The following MLYCD variants were observed in gnomAD, a reference collection of about 807,000 sequenced individuals.
MLYCD encodes malonyl-CoA decarboxylase, mitochondrial.
Under a neutral mutation model 35.8 loss-of-function variants are expected in MLYCD, and 27 were observed. The observed-to-expected ratio is 0.75, with a 90% CI of 0.56 to 1.04. MLYCD has a LOEUF of 1.04. MLYCD is among the 50% of genes least tolerant of loss of function. The pLI is 0.00. For missense variants in MLYCD, 917 were observed against 665.1 expected (o/e 1.38, Z -4.17); for synonymous variants, 403 against 302.4 (o/e 1.33, Z -3.45).
At position 83,918,194 on chromosome 16, in the gene MLYCD, C is replaced by G. The variant is rs925437556; in HGVS notation, c.*2705C>G. ...TTTATTTATCACTCAGGCAGAGTTTCTTAACCTTTTGTGAGTTACAGATCA... is the reference window on the plus strand; with the variant it reads ...TTTATTTATCACTCAGGCAGAGTTTGTTAACCTTTTGTGAGTTACAGATCA... On this transcript the variant is annotated 3_prime_UTR_variant, in exon 5 of 5. Coordinates refer to ENST00000262430, the MANE Select transcript of MLYCD (RefSeq NM_012213.3). 6.6e-6 allele frequency: 1 copy of G among 152,280 alleles called. No homozygotes were observed. Among genetic ancestry groups the G allele is most frequent in the African/African-American group, 2.4e-5 (1 of 41,478 alleles). 9.4% of individuals were successfully genotyped at this position (152,280 alleles called of 1,614,324 possible).
rs1434767861 is a variant in MLYCD at position 83,916,853 on chromosome 16, C to G, written c.*1364C>G. On this transcript the variant is annotated 3_prime_UTR_variant, in exon 5 of 5. Coordinates refer to ENST00000262430, the MANE Select transcript of MLYCD (RefSeq NM_012213.3). ...AGCGTCTCTGTGTGTCAGTGCACGT[C>G]TGTGTGCGTGTGCCCGAGCGTCTCT... is the stretch of plus-strand genomic sequence containing the variant. The G allele has an allele frequency of 7.7e-6, 1 of 129,438 alleles. No homozygotes were observed. Among genetic ancestry groups the G allele is most frequent in the African/African-American group, 3.0e-5 (1 of 33,484 alleles). The allele number at this position is 129,438 out of a possible 1,614,324, so 8.0% of individuals were successfully genotyped here.
At chr16:83,911,825 G>A (rs1335628387) in intron 3 of MLYCD, 1 of 273,312 alleles carries the variant, frequency 3.7e-6, no homozygotes, top group Non-Finnish European at 7.1e-6. Flanking sequence ...TCCTTTAGGA[G>A]AAGCTGAAGG....
rs1041549125 is a variant in MLYCD at position 83,917,301 on chromosome 16, G to C, written c.*1812G>C. The C allele has an allele frequency of 6.5e-6, 1 of 152,832 alleles. No individual in the cohort carries two copies. Among genetic ancestry groups the C allele is most frequent in the African/African-American group, 2.5e-5 (1 of 40,808 alleles). The allele number at this position is 152,832 out of a possible 1,614,324, so 9.5% of individuals were successfully genotyped here. ...TGCACGTCTGTGTGCGTGTGCACAA[G>C]CATCTGTGTGTGTCAGTGCACGTCT... On this transcript the variant is annotated 3_prime_UTR_variant, in exon 5 of 5. Coordinates refer to ENST00000262430, the MANE Select transcript of MLYCD (RefSeq NM_012213.3).
chr16:83,900,711 A>G (rs1906755658), intron 1 of MLYCD, among the ~76,000 whole-genome samples: 1 of 143,930 alleles, frequency 6.9e-6, no homozygotes, highest in Non-Finnish European at 1.5e-5. Context: ...GAAGTTTGTT[A>G]TGTGCAGTTG....
chr16:83,917,381 G>A lies in MLYCD; in HGVS notation c.*1892G>A, dbSNP rs140320401. 58 of 154,680 alleles carry A rather than the reference G, an allele frequency of 3.7e-4. No homozygotes were observed. Among genetic ancestry groups the A allele is most frequent in the South Asian group, 1.2e-3 (6 of 4,932 alleles). The allele number at this position is 154,680 out of a possible 1,614,324, so 9.6% of individuals were successfully genotyped here. On this transcript the variant is annotated 3_prime_UTR_variant, in exon 5 of 5. Coordinates refer to ENST00000262430, the MANE Select transcript of MLYCD (RefSeq NM_012213.3). ...AGTGCACGTCTGTGCATGTGCACAC[G>A]TGCATGTGCATGTGCTTACACGTCT...
In MLYCD at chr16:83,915,882, A is replaced by G; in HGVS notation, c.*393A>G. ...AAGGACCGGGGCGCGTGGCCCAGAT[A>G]AGAATAGGTGTTCCTTTGTGCTCAT... On this transcript the variant is annotated 3_prime_UTR_variant, in exon 5 of 5. Coordinates refer to ENST00000262430, the MANE Select transcript of MLYCD (RefSeq NM_012213.3). The G allele has an allele frequency of 8.6e-7, 1 of 1,161,528 alleles. No homozygotes were observed. The highest frequency in any genetic ancestry group is 2.0e-5 in the South Asian group (1 of 50,594). 72.0% of individuals were successfully genotyped at this position (1,161,528 alleles called of 1,614,324 possible).
chr16:83,920,035 A>C lies in MLYCD; in HGVS notation c.*4546A>C, dbSNP rs1466041750. On this transcript the variant is annotated 3_prime_UTR_variant, in exon 5 of 5. Transcript: ENST00000262430. ...GTGCACAGGAGAACACAGTACACAC[A>C]CAGCGCACTGGAGAACACGCACAGT... 1 of 152,296 alleles carries C rather than the reference A, an allele frequency of 6.6e-6. No homozygotes were observed. Among genetic ancestry groups the C allele is most frequent in the Non-Finnish European group, 1.5e-5 (1 of 68,358 alleles). 9.4% of individuals were successfully genotyped at this position (152,296 alleles called of 1,614,324 possible). A position where few individuals can be genotyped will look rare whatever the true frequency, so the allele number is the denominator to read the frequency against.
At position 83,924,470 on chromosome 16, in the gene MLYCD, C is replaced by T. The variant is rs1289767270; in HGVS notation, c.*8981C>T. On this transcript the variant is annotated 3_prime_UTR_variant, in exon 5 of 5. Coordinates refer to ENST00000262430, the MANE Select transcript of MLYCD (RefSeq NM_012213.3). ...GTGCGTCTGTGACAGAGGCTTGAACCCCCGGCTTGTTCTCTCACGTCTGTT... is the reference window on the plus strand; with the variant it reads ...GTGCGTCTGTGACAGAGGCTTGAACTCCCGGCTTGTTCTCTCACGTCTGTT... 1 of 152,162 alleles carries T rather than the reference C, an allele frequency of 6.6e-6. No individual in the cohort carries two copies. The highest frequency in any genetic ancestry group is 2.4e-5 in the African/African-American group (1 of 41,420). 9.4% of individuals were successfully genotyped at this position (152,162 alleles called of 1,614,324 possible).
Position 83,909,234 on chromosome 16 carries a change from A to G in MLYCD, c.798+952A>G, listed in dbSNP as rs568801618. ...CTTCTGGCCTAACAATTCCACTCCT[A>G]GGAACTTCTCCTGGGGAGATGCTCA... On this transcript the variant is annotated intron_variant, in intron 3 of 4. Coordinates refer to ENST00000262430, the MANE Select transcript of MLYCD (RefSeq NM_012213.3). Among the ~76,000 whole-genome samples, 10 of 151,470 alleles carry G rather than the reference A, an allele frequency of 6.6e-5. No individual in the cohort carries two copies. In the South Asian group the frequency reaches 2.1e-3, roughly 31 times the overall value.
chr16:83,911,214 G>A (rs900436164), intron 3 of MLYCD, among the ~76,000 whole-genome samples: 1 of 151,992 alleles, frequency 6.6e-6, no homozygotes, highest in Non-Finnish European at 1.5e-5. Context: ...TCCTGACCTC[G>A]TGATCTGCCC....
chr16:83,902,382 A>C (rs1205896719), intron 1 of MLYCD, among the ~76,000 whole-genome samples: 3 of 151,644 alleles, frequency 2.0e-5, no homozygotes, highest in Non-Finnish European at 4.4e-5. Context: ...CCTGTCGCTT[A>C]AATCAGTCTT....
chr16:83,914,840 T>A, intron 4 of MLYCD, 116 bp from the exon 5 acceptor site: 2 of 1,428,088 alleles, frequency 1.4e-6, no homozygotes, highest in South Asian at 2.3e-5. Context: ...GATGTCACTC[T>A]GACCGCTACA....
chr16:83,914,662 C>A, intron 4 of MLYCD: 1 of 443,934 alleles, frequency 2.3e-6, no homozygotes, highest in South Asian at 2.1e-5. Context: ...GCCTGTGGTC[C>A]CAGCTACTCA....
At chr16:83,900,379 A>G (rs13335591) in intron 1 of MLYCD, among the ~76,000 whole-genome samples, 5,860 of 152,232 alleles carry the variant, frequency 0.038, 323 homozygotes, top group African/African-American at 0.12. Context: ...AGAGCAACAT[A>G]TACTCTTCTT....
chr16:83,903,352 A>G (rs1302353610), intron 1 of MLYCD, among the ~76,000 whole-genome samples: 1 of 152,136 alleles, frequency 6.6e-6, no homozygotes, highest in Non-Finnish European at 1.5e-5. Flanking sequence ...ATGCTAAATA[A>G]TACTTATTTT....
chr16:83,918,120 C>G lies in MLYCD; in HGVS notation c.*2631C>G, dbSNP rs1040202706. 2.0e-5 allele frequency: 3 copies of G among 152,268 alleles called. No individual in the cohort carries two copies. Among genetic ancestry groups the G allele is most frequent in the Admixed American group, 6.5e-5 (1 of 15,286 alleles). The allele number at this position is 152,268 out of a possible 1,614,324, so 9.4% of individuals were successfully genotyped here. A position where few individuals can be genotyped will look rare whatever the true frequency, so the allele number is the denominator to read the frequency against. On this transcript the variant is annotated 3_prime_UTR_variant, in exon 5 of 5. Transcript: ENST00000262430. ...CCAAGGAGCCCTCCCTCCAGCAAGG[C>G]GGCTCATCACATCACGTTACTCTTT...
intron 1 of MLYCD, among the ~76,000 whole-genome samples, chr16:83,903,324 T>C (rs1906864387): frequency 6.6e-6 from 1 of 152,200 alleles, no homozygotes; most frequent in Admixed American, 6.5e-5. Flanking sequence ...TTGGTTCTAG[T>C]AAATTCTGTG....
rs368793664 is a variant in MLYCD, at chr16:83,911,132, A to G, written c.799-1086A>G. ...GCTGGGACTACAGGCACCTGCCACC[A>G]TGCCCGGCTCATTTTTTTTGTATTT... On this transcript the variant is annotated intron_variant, in intron 3 of 4. Transcript: ENST00000262430. Among the ~76,000 whole-genome samples the G allele has an allele frequency of 2.6e-5, 4 of 152,072 alleles. No individual in the cohort carries two copies. The East Asian group carries it at 7.8e-4, about 30-fold the overall frequency.
rs1486942053 is a variant in MLYCD at position 83,916,200 on chromosome 16, G to A, written c.*711G>A. On this transcript the variant is annotated 3_prime_UTR_variant, in exon 5 of 5. Transcript: ENST00000262430. ...GCATTGAACATCTGATTGTGTAGTG[G>A]TGGTCGTCTTTAAGATTAGAGACCT... 4 of 987,986 alleles carry A rather than the reference G, an allele frequency of 4.0e-6. No homozygotes were observed. Among genetic ancestry groups the A allele is most frequent in the Non-Finnish European group, 4.8e-6 (4 of 830,578 alleles). The allele number at this position is 987,986 out of a possible 1,614,324, so 61.2% of individuals were successfully genotyped here. A position where few individuals can be genotyped will look rare whatever the true frequency, so the allele number is the denominator to read the frequency against.
Sources: allele counts gnomAD v4.1 joint callset (sites outside exome capture counted in the v4.1 genomes callset), GRCh38; gene constraint gnomAD v4.1.1; transcripts MANE v1.5; gene names NCBI Gene and HGNC (gene_info 2026-07-23, HGNC 2026-07-21).